CDH26: variants seen among roughly 807,000 people sequenced by gnomAD.
CDH26 encodes cadherin-like protein 26.
CDH26 carries 83 observed loss-of-function variants against 90.3 expected under a neutral mutation model. That is an observed-to-expected ratio of 0.92 (90% confidence interval 0.77 to 1.10). CDH26 has a LOEUF of 1.10. Among genes scored for constraint, CDH26 ranks in the 50% least tolerant of loss-of-function variants. CDH26 has a pLI of 0.00. For missense variants in CDH26, 1,013 were observed against 1,037.6 expected, an observed-to-expected ratio of 0.98 and a Z score of 0.33; for synonymous variants, 397 against 396.3, an observed-to-expected ratio of 1.00 and a Z score of -0.02.
At chr20:59,990,857 ATTTCT>A (rs2061519540) in intron 9 of CDH26, among the ~76,000 whole-genome samples, 1 of 149,500 alleles carries the variant, frequency 6.7e-6, no homozygotes, top group Non-Finnish European at 1.5e-5. Context: ...CACCCCTACA[ATTTCT>A]TTTCTTTTTT....
rs1361804790 is a variant in CDH26 at position 59,970,086 on chromosome 20, A to G, written c.131A>G (p.Lys44Arg). Residue 44 changes from lysine to arginine, a missense_variant, in exon 3 of 18, where the codon AAG (lysine) becomes AGG (arginine). Lys to Arg is a conservative substitution (Grantham distance 26). Coordinates refer to ENST00000348616, the MANE Select transcript of CDH26 (RefSeq NM_177980.4). ...TDDLTKQTKEKIYQPLRRSKR... is the reference protein window; with the variant it reads ...TDDLTKQTKERIYQPLRRSKR... ...CAGTGTCACTATAAGTTCCAGGAAA[A>G]GATCTACCAGCCTCTACGGCGATCC... 1 of 1,611,890 alleles carries G rather than the reference A, an allele frequency of 6.2e-7. No individual in the cohort carries two copies. Among genetic ancestry groups the G allele is most frequent in the East Asian group, 2.2e-5 (1 of 44,810 alleles).
intron 13 of CDH26, among the ~76,000 whole-genome samples, chr20:59,999,183 A>G (rs1424030051): frequency 1.3e-5 from 2 of 152,204 alleles, no homozygotes; most frequent in Non-Finnish European, 2.9e-5. Context: ...TGAGTCCCTC[A>G]GTGAACATAT....
In CDH26 at chr20:60,006,754, G is replaced by A. The variant is rs142826389; in HGVS notation, c.2262G>A (p.Pro754=). The A allele has an allele frequency of 1.1e-5, 18 of 1,614,082 alleles. No individual in the cohort carries two copies. The highest frequency in any genetic ancestry group is 3.3e-4 in the Middle Eastern group (2 of 6,060). The part of the protein sequence containing the change: ...DATMHRQLLA[P]VEGRMAETLN... ...CAATGCACAGACAACTCCTGGCTCCGGTGGAAGGAAGGATGGCAGAGACAT... is the reference window on the plus strand; with the variant it reads ...CAATGCACAGACAACTCCTGGCTCCAGTGGAAGGAAGGATGGCAGAGACAT... The change falls in exon 17 of 18, where the codon CCG becomes CCA. Residue 754 remains proline (P), a synonymous_variant. Transcript: ENST00000348616.
chr20:59,975,081 G>A (rs2061312399), intron 4 of CDH26, among the ~76,000 whole-genome samples: 1 of 152,138 alleles, frequency 6.6e-6, no homozygotes, highest in East Asian at 1.9e-4. Context: ...GTAAAATGTA[G>A]CCTCGGCCTT....
chr20:59,973,862 C>T (rs778058328), intron 4 of CDH26, among the ~76,000 whole-genome samples: 2 of 152,210 alleles, frequency 1.3e-5, no homozygotes, highest in African/African-American at 2.4e-5. Context: ...CATACCCATG[C>T]ATATGTCTTT....
At chr20:59,967,802 C>T (rs1244579437) in intron 1 of CDH26, among the ~76,000 whole-genome samples, 1 of 139,614 alleles carries the variant, frequency 7.2e-6, no homozygotes, top group African/African-American at 2.6e-5. Context: ...CCCTCCCTCC[C>T]TCCCTCCCTC....
rs374590622 is a variant in CDH26 at position 59,995,800 on chromosome 20, T to C, written c.1667-33T>C. 10 of 1,583,794 alleles carry C rather than the reference T, an allele frequency of 6.3e-6. No individual in the cohort carries two copies. In the African/African-American group the frequency reaches 1.2e-4, roughly 19 times the overall value. ...TTGAGCAGATGAGCAGATGAGTGAG[T>C]CAATGCATGCCATGTTCTTTTTCCC... On this transcript the variant is annotated intron_variant, in intron 11 of 17. Transcript: ENST00000348616.
intron 1 of CDH26, among the ~76,000 whole-genome samples, chr20:59,964,294 T>C (rs2061117465): frequency 6.6e-6 from 1 of 152,190 alleles, no homozygotes; most frequent in African/African-American, 2.4e-5. Context: ...CTGAATGATA[T>C]TGGTTACATG....
At chr20:60,009,599 G>A (rs969213413) in intron 17 of CDH26, among the ~76,000 whole-genome samples, 3 of 152,112 alleles carry the variant, frequency 2.0e-5, no homozygotes, top group East Asian at 1.9e-4. Context: ...ATGGAAGCTC[G>A]AAGCTCTGCT....
Position 60,012,844 on chromosome 20 carries a change from C to A in CDH26, c.*114C>A. The A allele has an allele frequency of 2.2e-6, 2 of 917,846 alleles. No individual in the cohort carries two copies. Among genetic ancestry groups the A allele is most frequent in the Non-Finnish European group, 1.6e-6 (1 of 607,196 alleles). The allele number at this position is 917,846 out of a possible 1,614,324, so 56.9% of individuals were successfully genotyped here. ...CTTAAAAGAAAAATTACCTTCTAGT[C>A]CTAGGATGAGGACACACTATTAGTT... is the stretch of plus-strand genomic sequence containing the variant. On this transcript the variant is annotated 3_prime_UTR_variant, in exon 18 of 18. Coordinates refer to ENST00000348616, the MANE Select transcript of CDH26 (RefSeq NM_177980.4).
At chr20:59,976,649 A>G (rs1370287663) in intron 4 of CDH26, among the ~76,000 whole-genome samples, 2 of 152,164 alleles carry the variant, frequency 1.3e-5, no homozygotes, top group Non-Finnish European at 1.5e-5. Flanking sequence ...AAAATTTAAA[A>G]ATGTATGCTG....
rs41310817 is a variant in CDH26 at position 60,001,377 on chromosome 20, A to G, written c.2132A>G (p.Gln711Arg). 0.022 allele frequency: 35,859 copies of G among 1,614,030 alleles called. 480 individuals carry two copies. Among genetic ancestry groups the G allele is most frequent in the Middle Eastern group, 0.028 (172 of 6,058 alleles). The stretch of plus-strand genomic sequence containing the variant: ...GAAGTGCCTCCATCTGCAGCGAGTC[A>G]GTCAGCCCAAGCACGCTGTGCTCTG... ...LEEVPPSAAS[Q>R]SAQARCALGS... Residue 711 changes from glutamine (Q) to arginine (R), a missense_variant, in exon 15 of 18, where the codon CAG becomes CGG. Gln to Arg is a conservative substitution (Grantham distance 43). Coordinates refer to ENST00000348616, the MANE Select transcript of CDH26 (RefSeq NM_177980.4).
At chr20:60,034,625 C>T (rs1228674401), downstream of CDH26, among the ~76,000 whole-genome samples, 1 of 152,228 alleles carries the variant, frequency 6.6e-6, no homozygotes, top group Non-Finnish European at 1.5e-5. Flanking sequence ...CCCCCACCAG[C>T]TACAAAGGTC....
intron 1 of CDH26, among the ~76,000 whole-genome samples, chr20:59,964,587 T>C (rs1342836435): frequency 6.6e-6 from 1 of 152,162 alleles, no homozygotes; most frequent in Non-Finnish European, 1.5e-5. Flanking sequence ...AATATAACAA[T>C]TTCCAGTCTT....
chr20:59,960,289 A>G (rs2061051956), intron 1 of CDH26, among the ~76,000 whole-genome samples: 1 of 152,106 alleles, frequency 6.6e-6, no homozygotes, highest in African/African-American at 2.4e-5. Context: ...GGAGCTAGTA[A>G]CTGAATTTAT....
chr20:60,031,043 T>A (rs1812756), intron 7 of CDH26, among the ~76,000 whole-genome samples: 2 of 152,062 alleles, frequency 1.3e-5, no homozygotes, highest in Non-Finnish European at 2.9e-5. Context: ...TATTTCTTGA[T>A]GATATGCTAA....
chr20:59,992,417 C>T lies in CDH26; in HGVS notation c.1323C>T (p.Val441=), dbSNP rs777272870. ...LVHDPANWVS[V]DKNSGVVITV... is the part of the protein sequence containing the mutation. ...ATGACCCAGCAAATTGGGTCAGCGT[C>T]GACAAAAACTCCGGAGTGGTCATCA... Residue 441 remains valine, a synonymous_variant, in exon 10 of 18, where the codon GTC becomes GTT. Transcript: ENST00000348616. The surrounding 1 kb of genome is among the most constrained non-coding windows in gnomAD (Gnocchi z 5.0). 6.8e-6 allele frequency: 11 copies of T among 1,613,886 alleles called. No homozygotes were observed. Among genetic ancestry groups the T allele is most frequent in the African/African-American group, 5.3e-5 (4 of 74,852 alleles).
At position 59,970,174 on chromosome 20, in the gene CDH26, A is replaced by T; in HGVS notation, c.219A>T (p.Lys73Asn). ...AGGAAGACCCGGGACCCTTTCCCAA[A>T]CTCATTGGTGAGGTAAGGTGCCTAC... is the stretch of plus-strand genomic sequence containing the variant. ...LEEEDPGPFP[K>N]LIGELFNNMS... Residue 73 changes from lysine to asparagine, a missense_variant, in exon 3 of 18, where the codon AAA becomes AAT. Physicochemically the swap from Lys to Asn is moderately conservative, Grantham distance 94 (BLOSUM62 0). Coordinates refer to ENST00000348616, the MANE Select transcript of CDH26 (RefSeq NM_177980.4). The T allele has an allele frequency of 5.6e-6, 9 of 1,613,836 alleles. No homozygotes were observed. Among genetic ancestry groups the T allele is most frequent in the Non-Finnish European group, 7.6e-6 (9 of 1,179,890 alleles).
Position 60,030,331 on chromosome 20 carries a change from A to G in CDH26, c.948-900A>G, listed in dbSNP as rs1237276247. Among the ~76,000 whole-genome samples, 4 of 152,296 alleles carry G rather than the reference A, an allele frequency of 2.6e-5. No homozygotes were observed. Among genetic ancestry groups the G allele is most frequent in the South Asian group, 2.1e-4 (1 of 4,826 alleles). ...AGGACATCAGGGTGATTTGAAGTCA[A>G]TCACAGCAGAGAAACTTTGGTCTGT... On this transcript the variant is annotated intron_variant, in intron 7 of 8. Coordinates refer to the CDH26 transcript ENST00000370991. The surrounding 1 kb of genome is among the most constrained non-coding windows in gnomAD (Gnocchi z 4.0).
Sources: gnomAD v4.1 joint callset for allele counts (sites outside exome capture counted in the v4.1 genomes callset) on GRCh38, gnomAD v4.1.1 for gene constraint, Gnocchi (gnomAD v3.1) non-coding constraint, MANE v1.5 for transcripts, NCBI Gene and HGNC (gene_info 2026-07-23, HGNC 2026-07-21) for gene names.